The following CTNND2 variants were observed in gnomAD, a reference collection of about 807,000 sequenced individuals.
CTNND2 encodes catenin delta-2.
Under a neutral mutation model 144.4 loss-of-function variants are expected in CTNND2, and 22 were observed. That is an observed-to-expected ratio of 0.15 (90% CI 0.11 to 0.22). The LOEUF (loss-of-function observed/expected upper bound fraction) is 0.22, where lower values mean the gene tolerates loss of function less well. Among genes scored for constraint, CTNND2 ranks in the 10% least tolerant of loss-of-function variants. The pLI is 1.00. For missense variants in CTNND2, 1,353 were observed against 1,618.8 expected (o/e 0.84, Z 2.82); for synonymous variants, 751 against 695.6 (o/e 1.08, Z -1.25).
chr5:11,098,824 C>G (rs1322230734), intron 14 of CTNND2, 76 bp from the exon 15 acceptor site: 1 of 1,392,368 alleles, frequency 7.2e-7, no homozygotes, highest in Non-Finnish European at 1.0e-6. Context: ...TCAAACATTA[C>G]AGGCGAAAAC....
chr5:11,081,072 T>TCTCACA (rs914558936), intron 16 of CTNND2, among the ~76,000 whole-genome samples: 8 of 144,980 alleles, frequency 5.5e-5, no homozygotes, highest in African/African-American at 2.0e-4. Context: ...TGAGACCCTG[T>TCTCACA]CACACACACA....
In CTNND2 at chr5:11,785,762, AG is replaced by A. The variant is rs1258840996; in HGVS notation, c.38-53491del. Among the ~76,000 whole-genome samples, 4 of 152,222 alleles carry A rather than the reference AG, an allele frequency of 2.6e-5. No individual in the cohort carries two copies. In the South Asian group the frequency reaches 6.2e-4, roughly 24 times the overall value. On this transcript the variant is annotated intron_variant, in intron 1 of 21. Coordinates refer to ENST00000304623, the MANE Select transcript of CTNND2 (RefSeq NM_001332.4). ...CTAGCATCTTCCCCAACTTTATCAA[AG>A]AGGGTAATTTCCTCCCCCACTTTTC...
chr5:11,044,115 C>A (rs927251793), intron 16 of CTNND2, among the ~76,000 whole-genome samples: 1 of 152,146 alleles, frequency 6.6e-6, no homozygotes, highest in Non-Finnish European at 1.5e-5. Flanking sequence ...GATGGTCCTG[C>A]CTGTCTGCTC....
At chr5:11,017,543 CATATATAAAGAT>C (rs1741742123) in intron 18 of CTNND2, among the ~76,000 whole-genome samples, 1 of 147,400 alleles carries the variant, frequency 6.8e-6, no homozygotes, top group South Asian at 2.1e-4. Flanking sequence ...TCTCTCTTTC[CATATATAAAGAT>C]ATATATACAT....
chr5:11,731,720 T>C (rs1216504003), intron 2 of CTNND2, among the ~76,000 whole-genome samples: 1 of 152,190 alleles, frequency 6.6e-6, no homozygotes, highest in Non-Finnish European at 1.5e-5. Flanking sequence ...AAAAACCAAT[T>C]TGCCTTGACT....
intron 1 of CTNND2, among the ~76,000 whole-genome samples, chr5:11,770,856 G>C (rs1410503469): frequency 6.6e-6 from 1 of 152,122 alleles, no homozygotes; most frequent in East Asian, 1.9e-4. Flanking sequence ...CTGGGACTTG[G>C]GGTGAGAAGA....
chr5:11,256,515 C>T (rs992264456), intron 9 of CTNND2, among the ~76,000 whole-genome samples: 1 of 152,196 alleles, frequency 6.6e-6, no homozygotes, highest in Non-Finnish European at 1.5e-5. Flanking sequence ...ACCTGGCATA[C>T]TTCTTTGCAT....
intron 3 of CTNND2, among the ~76,000 whole-genome samples, chr5:11,417,114 T>C (rs2149845560): frequency 6.6e-6 from 1 of 152,332 alleles, no homozygotes; most frequent in South Asian, 2.1e-4. Flanking sequence ...CTAACTGATT[T>C]GTAGTTAATC....
intron 9 of CTNND2, among the ~76,000 whole-genome samples, chr5:11,299,600 G>A (rs1749366607): frequency 6.6e-6 from 1 of 152,192 alleles, no homozygotes; most frequent in Admixed American, 6.5e-5. Flanking sequence ...GAGAAGCTAT[G>A]GTCATCTACT....
At chr5:11,840,757 G>A (rs1794425406) in intron 1 of CTNND2, among the ~76,000 whole-genome samples, 1 of 151,970 alleles carries the variant, frequency 6.6e-6, no homozygotes, top group Non-Finnish European at 1.5e-5. Context: ...GGAAACTGTA[G>A]GTTTAACAGA....
chr5:11,150,617 CTTTTTTTTTT>C (rs10602477), intron 12 of CTNND2, among the ~76,000 whole-genome samples: 3 of 72,068 alleles, frequency 4.2e-5, no homozygotes, highest in Non-Finnish European at 7.5e-5. Context: ...CTGCTGCCTT[CTTTTTTTTTT>C]TTTTTTTTTT....
At chr5:11,644,812 T>G (rs1027818641) in intron 2 of CTNND2, among the ~76,000 whole-genome samples, 23 of 152,126 alleles carry the variant, frequency 1.5e-4, no homozygotes, top group African/African-American at 5.3e-4. Context: ...TTGTCACCCA[T>G]AAGTCAAACT....
intron 3 of CTNND2, among the ~76,000 whole-genome samples, chr5:11,539,676 T>C (rs1774549751): frequency 6.6e-6 from 1 of 152,200 alleles, no homozygotes; most frequent in Admixed American, 6.5e-5. Flanking sequence ...ATATGAAGCC[T>C]TCAATGCCAC....
intron 18 of CTNND2, among the ~76,000 whole-genome samples, chr5:11,017,659 T>C (rs898147427): frequency 4.6e-5 from 7 of 151,028 alleles, no homozygotes; most frequent in East Asian, 1.9e-4. Flanking sequence ...GATTTTTTTT[T>C]CCCCAAAATC....
At chr5:11,156,194 T>C (rs762478276) in intron 12 of CTNND2, among the ~76,000 whole-genome samples, 9 of 152,248 alleles carry the variant, frequency 5.9e-5, no homozygotes, top group African/African-American at 9.6e-5. Flanking sequence ...CTTAGGCAGA[T>C]TTTACTGACT....
rs1044999280 is a variant in CTNND2, at chr5:11,636,041, C to T, written c.175-70985G>A. Among the ~76,000 whole-genome samples, 4 of 149,908 alleles carry T rather than the reference C, an allele frequency of 2.7e-5. 1 individual carries two copies. Among genetic ancestry groups the T allele is most frequent in the Admixed American group, 2.0e-4 (3 of 14,954 alleles). On this transcript the variant is annotated intron_variant, in intron 2 of 21. Coordinates refer to ENST00000304623, the MANE Select transcript of CTNND2 (RefSeq NM_001332.4). ...ATGGTTTAATCCCCCCCCACCCCCG[C>T]CACACACACATTCATGATTCTACAG...
At chr5:11,453,179 C>G (rs773801345) in intron 3 of CTNND2, among the ~76,000 whole-genome samples, 1 of 152,176 alleles carries the variant, frequency 6.6e-6, no homozygotes, top group Non-Finnish European at 1.5e-5. Context: ...TGCAAGATGC[C>G]TCTCTCCTAA....
chr5:11,224,585 T>C (rs1033662196), intron 10 of CTNND2, among the ~76,000 whole-genome samples: 1 of 152,216 alleles, frequency 6.6e-6, no homozygotes, highest in Non-Finnish European at 1.5e-5. Context: ...TTCTTTGTGC[T>C]GACCTAACTT....
At chr5:11,547,314 A>C (rs1349840464) in intron 3 of CTNND2, among the ~76,000 whole-genome samples, 3 of 149,980 alleles carry the variant, frequency 2.0e-5, no homozygotes, top group Non-Finnish European at 4.4e-5. Context: ...TAAATAAATA[A>C]ATAAATAAAG....
Sources: allele counts gnomAD v4.1 joint callset (sites outside exome capture counted in the v4.1 genomes callset), GRCh38; gene constraint gnomAD v4.1.1; transcripts MANE v1.5; gene names NCBI Gene and HGNC (gene_info 2026-07-23, HGNC 2026-07-21).